Variants in RERE observed in about 807,000 individuals in gnomAD.
The protein encoded by RERE is arginine-glutamic acid dipeptide repeats, also known as arginine-glutamic acid dipeptide repeats protein.
Under a neutral mutation model 146.1 loss-of-function variants are expected in RERE, and 40 were observed. The observed-to-expected ratio is 0.27, with a 90% CI of 0.21 to 0.36. The LOEUF (loss-of-function observed/expected upper bound fraction) is 0.36. RERE is among the 10% of genes least tolerant of loss of function. The pLI is 1.00. For synonymous variants in RERE, 1,003 were observed against 866.0 expected, an observed-to-expected ratio of 1.16 and a Z score of -2.78; for missense variants, 1,933 against 2,138.7, an observed-to-expected ratio of 0.90 and a Z score of 1.90.
chr1:8,703,158 G>C (rs936991049), intron 1 of RERE: 2 of 152,200 alleles, frequency 1.3e-5, no homozygotes, highest in East Asian at 3.9e-4. Flanking sequence ...GGCGCAGGCG[G>C]GCAGGTGGGG....
intron 10 of RERE, among the ~76,000 whole-genome samples, chr1:8,487,466 T>C (rs960698139): frequency 3.9e-5 from 6 of 152,046 alleles, no homozygotes; most frequent in African/African-American, 1.4e-4. Context: ...TAGTCTTAGC[T>C]ACTTGGGAGG....
chr1:8,605,771 A>AAAAAAAAAC (rs1491331726), intron 4 of RERE, among the ~76,000 whole-genome samples: 1 of 138,228 alleles, frequency 7.2e-6, no homozygotes, highest in African/African-American at 2.8e-5. Context: ...AAAAAAAAAA[A>AAAAAAAAAC]CCCCTAAAAA....
At chr1:8,369,773 T>A (rs1421200665) in intron 12 of RERE, among the ~76,000 whole-genome samples, 1 of 152,034 alleles carries the variant, frequency 6.6e-6, no homozygotes, top group Non-Finnish European at 1.5e-5. Context: ...CACGGATACA[T>A]TCATAGAAAC....
At chr1:8,445,964 G>A (rs1209904378) in intron 11 of RERE, among the ~76,000 whole-genome samples, 1 of 152,028 alleles carries the variant, frequency 6.6e-6, no homozygotes, top group Non-Finnish European at 1.5e-5. Flanking sequence ...CAGTGTCGAC[G>A]GTCTTTACAA....
rs763607509 is a variant in RERE, at chr1:8,358,594, ATCTCCCGCTCTCGGATCTCC to A, written c.3921_3940del (p.Glu1308ProfsTer80). 4.2e-5 allele frequency: 68 copies of A among 1,601,594 alleles called. No homozygotes were observed. The highest frequency in any genetic ancestry group is 2.1e-4 in the South Asian group (19 of 88,724). ...CCTCTCCCGCAGCTCCCGCTCTCGGATCTCCCGCTCTCGGATCTCCCGCTCCCGGAGCTCCCGCTCGCGGA... is the reference window on the plus strand; with the variant it reads ...CCTCTCCCGCAGCTCCCGCTCTCGGACGCTCCCGGAGCTCCCGCTCGCGGA... On this transcript the variant is annotated frameshift_variant, in exon 20 of 23. Transcript: ENST00000400908. LOFTEE classifies it high-confidence loss of function.
chr1:8,721,909 T>A (rs1166905380), intron 1 of RERE, among the ~76,000 whole-genome samples: 1 of 152,234 alleles, frequency 6.6e-6, no homozygotes, highest in Non-Finnish European at 1.5e-5. Context: ...GCTACCAGCA[T>A]ATCTCATTTC....
chr1:8,535,508 G>T (rs950910823), intron 7 of RERE, among the ~76,000 whole-genome samples: 1 of 152,154 alleles, frequency 6.6e-6, no homozygotes, highest in East Asian at 1.9e-4. Flanking sequence ...ACTTTCAAAT[G>T]ATTCAGTTAA....
At chr1:8,375,860 A>T (rs1428863917) in intron 12 of RERE, among the ~76,000 whole-genome samples, 2 of 151,848 alleles carry the variant, frequency 1.3e-5, no homozygotes, top group Admixed American at 6.5e-5. Context: ...CAAGCAAACA[A>T]CATTTTACTA....
At chr1:8,663,924 C>G (rs1638512026) in intron 1 of RERE, among the ~76,000 whole-genome samples, 1 of 152,146 alleles carries the variant, frequency 6.6e-6, no homozygotes, top group South Asian at 2.1e-4. Context: ...CCCTCAGAGT[C>G]TCCAGTGTTT....
chr1:8,630,911 T>C (rs553922582), intron 2 of RERE, among the ~76,000 whole-genome samples: 1 of 152,358 alleles, frequency 6.6e-6, no homozygotes, highest in Non-Finnish European at 1.5e-5. Context: ...CCAGATAACA[T>C]ATATCTTTGT....
intron 8 of RERE, among the ~76,000 whole-genome samples, chr1:8,501,118 G>T (rs1456897853): frequency 2.0e-5 from 3 of 147,072 alleles, no homozygotes; most frequent in East Asian, 4.2e-4. Context: ...CTACTGGGAA[G>T]TGAGGAGCCC....
intron 8 of RERE, among the ~76,000 whole-genome samples, chr1:8,505,816 C>T (rs1034212224): frequency 3.3e-5 from 5 of 152,104 alleles, no homozygotes; most frequent in African/African-American, 1.2e-4. Context: ...CAGGCGTGAG[C>T]CAAAAGTCAA....
intron 11 of RERE, among the ~76,000 whole-genome samples, chr1:8,458,496 G>T (rs1387908745): frequency 6.6e-6 from 1 of 152,134 alleles, no homozygotes; most frequent in Non-Finnish European, 1.5e-5. Flanking sequence ...GTAATTTAAG[G>T]TGTGCTTATA....
chr1:8,402,711 C>T (rs1272993963), intron 12 of RERE, among the ~76,000 whole-genome samples: 2 of 152,026 alleles, frequency 1.3e-5, no homozygotes, highest in African/African-American at 2.4e-5. Context: ...CTTCTTAGAT[C>T]GTATTTATAT....
At chr1:8,677,594 T>C (rs1317325931) in intron 1 of RERE, among the ~76,000 whole-genome samples, 1 of 152,148 alleles carries the variant, frequency 6.6e-6, no homozygotes, top group Non-Finnish European at 1.5e-5. Context: ...TATTCACTAA[T>C]TCATATGTTT....
At chr1:8,659,729 G>GA (rs948563322) in intron 1 of RERE, among the ~76,000 whole-genome samples, 3 of 151,852 alleles carry the variant, frequency 2.0e-5, no homozygotes, top group Non-Finnish European at 2.9e-5. Context: ...ATAACTTTAA[G>GA]AAAAAAAATC....
In RERE at chr1:8,427,637, TAAAAA is replaced by T. The variant is rs33996085; in HGVS notation, c.1204-4835_1204-4831del. ...AGCAAAAGCACCCTTGGCCCCACTT[TAAAAA>T]AAAAAAAAAAAAAAAAAGGAAGTAA... On this transcript the variant is annotated intron_variant, in intron 11 of 22. Coordinates refer to ENST00000400908, the MANE Select transcript of RERE (RefSeq NM_001042681.2). 1.1e-4 allele frequency among the ~76,000 whole-genome samples: 13 copies of T among 116,340 alleles called. No homozygotes were observed. In the East Asian group the frequency reaches 2.9e-3, roughly 26 times the overall value. The allele number at this position is 116,340 out of a possible 152,430, so 76.3% of individuals were successfully genotyped here.
rs1411244780 is a variant in RERE at position 8,358,510 on chromosome 1, T to A, written c.4025A>T (p.Asn1342Ile). The A allele has an allele frequency of 6.3e-7, 1 of 1,591,630 alleles. No homozygotes were observed. Among genetic ancestry groups the A allele is most frequent in the Non-Finnish European group, 8.5e-7 (1 of 1,169,774 alleles). Residue 1342 changes from asparagine (N) to isoleucine (I), a missense_variant, in exon 20 of 23, where the codon AAC becomes ATC. Coordinates refer to ENST00000400908, the MANE Select transcript of RERE (RefSeq NM_001042681.2). Reference protein sequence around the residue: ...PELDPLHPAANPMEHFARHSA... With the variant: ...PELDPLHPAAIPMEHFARHSA... Reference sequence around the variant, plus strand: ...GTGCCGGGCAAAGTGCTCCATGGGGTTGGCGGCTGGGTGCAGGGGGTCCAG... The same window carrying A: ...GTGCCGGGCAAAGTGCTCCATGGGGATGGCGGCTGGGTGCAGGGGGTCCAG...
chr1:8,519,066 A>C (rs1645456907), intron 7 of RERE, among the ~76,000 whole-genome samples: 1 of 152,194 alleles, frequency 6.6e-6, no homozygotes, highest in Admixed American at 6.5e-5. Context: ...TTCAGAATTA[A>C]ATGAACCTGA....
Sources: allele counts gnomAD v4.1 joint callset (sites outside exome capture counted in the v4.1 genomes callset), GRCh38; gene constraint gnomAD v4.1.1; transcripts MANE v1.5; gene names NCBI Gene and HGNC (gene_info 2026-07-23, HGNC 2026-07-21).